The following CIMIP2A variants were observed in gnomAD, a reference collection of about 807,000 sequenced individuals.
The protein encoded by CIMIP2A is family with sequence similarity 166 member A.
chr9:137,251,994 TG>T, the CIMIP2A span: 18 of 1,609,232 alleles, frequency 1.1e-5, no homozygotes, highest in Non-Finnish European at 1.5e-5. Context: ...TTGCTTCCTG[TG>T]GCCAGTGCTG....
chr9:137,254,136 G>A, the CIMIP2A span, among the ~76,000 whole-genome samples: 2 of 152,346 alleles, frequency 1.3e-5, no homozygotes, highest in South Asian at 4.1e-4. Flanking sequence ...CCCAGACCCA[G>A]GACCCAGACC....
At chr9:137,244,322 C>T in the CIMIP2A span, 65 of 1,612,094 alleles carry the variant, frequency 4.0e-5, no homozygotes, top group South Asian at 2.6e-4. Context: ...CAAGCTCCCT[C>T]CCCGGCAGGC....
chr9:137,252,643 G>A, the CIMIP2A span: 5 of 1,395,770 alleles, frequency 3.6e-6, no homozygotes, highest in Middle Eastern at 1.8e-4. Context: ...CCTGCAGCCC[G>A]TCTCCTACCC....
At chr9:137,251,736 A>G in the CIMIP2A span, 2 of 1,561,772 alleles carry the variant, frequency 1.3e-6, no homozygotes, top group African/African-American at 2.7e-5. Context: ...TCTCCCTTGC[A>G]GGCCCAAGGC....
chr9:137,246,827 C>G, the CIMIP2A span, among the ~76,000 whole-genome samples: 1 of 152,164 alleles, frequency 6.6e-6, no homozygotes, highest in African/African-American at 2.4e-5. Flanking sequence ...CCAGACGTAG[C>G]TGTTCAGAGG....
chr9:137,252,348 C>T, the CIMIP2A span: 41 of 1,428,064 alleles, frequency 2.9e-5, no homozygotes, highest in African/African-American at 7.1e-5. Flanking sequence ...GTTCAGGGGC[C>T]GAGGGTGGGA....
At chr9:137,251,901 T>C in the CIMIP2A span, 2 of 1,604,806 alleles carry the variant, frequency 1.2e-6, no homozygotes, top group Non-Finnish European at 1.7e-6. Flanking sequence ...ACTATGTGAG[T>C]GAGGGTCCTG....
At chr9:137,245,066 G>A in the CIMIP2A span, 1 of 1,610,476 alleles carries the variant, frequency 6.2e-7, no homozygotes, top group Non-Finnish European at 8.5e-7. Flanking sequence ...GCCTTCTCCA[G>A]CCCAGCCCAG....
the CIMIP2A span, among the ~76,000 whole-genome samples, chr9:137,246,607 C>A: frequency 2.6e-5 from 4 of 152,094 alleles, no homozygotes; most frequent in African/African-American, 9.7e-5. Context: ...ATTAAAAATG[C>A]AAAAAGTTAT....
the CIMIP2A span, chr9:137,253,443 C>T: frequency 1.4e-6 from 2 of 1,440,480 alleles, no homozygotes; most frequent in Non-Finnish European, 1.8e-6. Flanking sequence ...CCCCCATCTG[C>T]CCATCTCCCC....
chr9:137,245,079 C>T, the CIMIP2A span: 2 of 1,609,948 alleles, frequency 1.2e-6, no homozygotes, highest in South Asian at 2.2e-5. Context: ...CAGCCCAGGC[C>T]CACACCCACC....
chr9:137,244,108 G>A, the CIMIP2A span: 6 of 1,496,084 alleles, frequency 4.0e-6, no homozygotes, highest in South Asian at 3.4e-5. Context: ...GGGTGAGCAG[G>A]TAGAGCCGTC....
the CIMIP2A span, chr9:137,253,134 C>T: frequency 4.2e-5 from 66 of 1,579,492 alleles, no homozygotes; most frequent in East Asian, 7.9e-4. Context: ...CTGGCCCAGC[C>T]GCCTACCACG....
chr9:137,247,660 C>T, the CIMIP2A span: 6 of 1,612,954 alleles, frequency 3.7e-6, no homozygotes, highest in Admixed American at 1.0e-4. Flanking sequence ...CGGCTCTCAC[C>T]CAGGGACATA....
the CIMIP2A span, chr9:137,244,377 C>T: frequency 3.1e-4 from 497 of 1,593,682 alleles, 5 homozygotes; most frequent in African/African-American, 4.0e-3. Flanking sequence ...GCCGGAGGGC[C>T]GGCACTCCGT....
At chr9:137,251,792 G>C in the CIMIP2A span, 15 of 1,595,380 alleles carry the variant, frequency 9.4e-6, no homozygotes, top group African/African-American at 1.6e-4. Flanking sequence ...CCTGGGATGA[G>C]ACACAGCCCC....
the CIMIP2A span, chr9:137,245,066 GCCCAGCC>G: frequency 6.2e-7 from 1 of 1,610,476 alleles, no homozygotes; most frequent in East Asian, 2.2e-5. Flanking sequence ...GCCTTCTCCA[GCCCAGCC>G]CAGGCCCACA....
At chr9:137,247,766 CCCTT>C in the CIMIP2A span, 2 of 1,581,328 alleles carry the variant, frequency 1.3e-6, no homozygotes, top group Non-Finnish European at 1.7e-6. Flanking sequence ...GCATCCAGCT[CCCTT>C]CCCTGAGGGG....
chr9:137,253,446 A>C, the CIMIP2A span: 1 of 1,438,796 alleles, frequency 7.0e-7, no homozygotes, highest in African/African-American at 1.4e-5. Context: ...CCATCTGCCC[A>C]TCTCCCCGCT....
Sources: allele counts gnomAD v4.1 joint callset (sites outside exome capture counted in the v4.1 genomes callset), GRCh38; gene constraint gnomAD v4.1.1; transcripts MANE v1.5; gene names NCBI Gene and HGNC (gene_info 2026-07-23, HGNC 2026-07-21).